RHOBTB1: variants seen among roughly 807,000 people sequenced by gnomAD.
RHOBTB1 encodes rho-related BTB domain-containing protein 1.
RHOBTB1 carries 40 observed loss-of-function variants against 71.6 expected under a neutral mutation model. That is an observed-to-expected ratio of 0.56 (90% CI 0.43 to 0.73). The LOEUF is 0.73. Among genes scored for constraint, RHOBTB1 ranks in the 30% least tolerant of loss-of-function variants. The pLI is 0.00. For synonymous variants in RHOBTB1, 319 were observed against 334.9 expected, an observed-to-expected ratio of 0.95 and a Z score of 0.52; for missense variants, 797 against 894.0, an observed-to-expected ratio of 0.89 and a Z score of 1.38.
chr10:60,932,047 T>C (rs921420920), intron 2 of RHOBTB1, among the ~76,000 whole-genome samples: 4 of 152,230 alleles, frequency 2.6e-5, no homozygotes, highest in Non-Finnish European at 4.4e-5. Context: ...CAATATAGCA[T>C]AATTCAGTTT....
chr10:60,951,516 C>T (rs2085406930), intron 2 of RHOBTB1, among the ~76,000 whole-genome samples: 1 of 152,156 alleles, frequency 6.6e-6, no homozygotes, highest in Non-Finnish European at 1.5e-5. Context: ...TAGTTAACTG[C>T]ATCACATGTG....
At chr10:60,868,088 C>T (rs1321727454), downstream of RHOBTB1, among the ~76,000 whole-genome samples, 1 of 151,928 alleles carries the variant, frequency 6.6e-6, no homozygotes, top group African/African-American at 2.4e-5. Context: ...TTTTAAATTG[C>T]CCTTTTCTTC....
intron 2 of RHOBTB1, among the ~76,000 whole-genome samples, chr10:60,982,333 G>T (rs192376998): frequency 6.6e-6 from 1 of 152,142 alleles, no homozygotes; most frequent in East Asian, 1.9e-4. Context: ...TACTCAGTAC[G>T]GATACCATTT....
chr10:60,946,822 A>T (rs1342723584), upstream of RHOBTB1, among the ~76,000 whole-genome samples: 4 of 152,166 alleles, frequency 2.6e-5, no homozygotes, highest in Admixed American at 2.6e-4. Flanking sequence ...CTTCCAAAAG[A>T]TGCTCCTTCT....
chr10:60,915,535 T>G (rs1415150390), intron 2 of RHOBTB1, among the ~76,000 whole-genome samples: 3 of 152,176 alleles, frequency 2.0e-5, no homozygotes, highest in Non-Finnish European at 4.4e-5. Context: ...TTGAACGTTA[T>G]TTCATATTTT....
chr10:60,930,312 G>T (rs2084167037), intron 2 of RHOBTB1, among the ~76,000 whole-genome samples: 1 of 152,162 alleles, frequency 6.6e-6, no homozygotes, highest in Non-Finnish European at 1.5e-5. Context: ...TCCACGGATT[G>T]TTGTGAAGAT....
intron 7 of RHOBTB1, among the ~76,000 whole-genome samples, chr10:60,883,524 G>A (rs904486238): frequency 2.0e-5 from 3 of 152,146 alleles, no homozygotes; most frequent in Admixed American, 6.5e-5. Context: ...TGAATAGCAG[G>A]TCCTCTGCTG....
At chr10:60,929,877 C>G (rs1455397186) in intron 2 of RHOBTB1, among the ~76,000 whole-genome samples, 1 of 152,110 alleles carries the variant, frequency 6.6e-6, no homozygotes, top group Non-Finnish European at 1.5e-5. Context: ...TAATAAATAT[C>G]CCACATTTTT....
rs747950824 is a variant in RHOBTB1 at position 60,886,216 on chromosome 10, A to G, written c.1471T>C (p.Leu491=). Residue 491 remains leucine, a synonymous_variant, in exon 7 of 11, where the codon TTG becomes CTG. Coordinates refer to ENST00000337910, the MANE Select transcript of RHOBTB1 (RefSeq NM_014836.5). The stretch of plus-strand genomic sequence containing the variant: ...TGGGCACTGATGGCTCCATCGTCCA[A>G]TTTAAATGTCACGTCTGCCAAGGGA... The part of the protein sequence containing the change: ...KGTFSDVTFK[L]DDGAISAHKP... 2.5e-5 allele frequency: 40 copies of G among 1,613,802 alleles called. No homozygotes were observed. Among genetic ancestry groups the G allele is most frequent in the Non-Finnish European group, 3.2e-5 (38 of 1,179,846 alleles).
chr10:60,982,704 T>G (rs1168108340), intron 2 of RHOBTB1, among the ~76,000 whole-genome samples: 2 of 152,228 alleles, frequency 1.3e-5, no homozygotes, highest in African/African-American at 4.8e-5. Context: ...TCTAAGAGGC[T>G]GATACTGTTA....
Position 60,892,011 on chromosome 10 carries a change from G to A in RHOBTB1, c.482+799C>T, listed in dbSNP as rs185175048. On this transcript the variant is annotated intron_variant, in intron 5 of 10. Transcript: ENST00000337910. ...ATTCTTCTCTCTCCTGCCGCCATAC[G>A]AAGAAGGATGTGTTTTCTTCCCCTC... is the stretch of plus-strand genomic sequence containing the variant. Among the ~76,000 whole-genome samples, 5 of 152,238 alleles carry A rather than the reference G, an allele frequency of 3.3e-5. No homozygotes were observed. In the East Asian group the frequency reaches 7.7e-4, roughly 24 times the overall value.
chr10:60,919,500 G>A (rs370893421), intron 2 of RHOBTB1, among the ~76,000 whole-genome samples: 10 of 152,272 alleles, frequency 6.6e-5, no homozygotes, highest in African/African-American at 1.7e-4. Context: ...ACCCAGAGCC[G>A]GGAAAGAGAT....
intron 8 of RHOBTB1, among the ~76,000 whole-genome samples, chr10:60,877,642 G>A (rs901268435): frequency 2.0e-5 from 3 of 152,326 alleles, no homozygotes; most frequent in African/African-American, 7.2e-5. Flanking sequence ...CATACAGCGT[G>A]TGCCTCAAGG....
At chr10:60,939,221 T>C (rs981222758) in intron 2 of RHOBTB1, among the ~76,000 whole-genome samples, 5 of 152,166 alleles carry the variant, frequency 3.3e-5, no homozygotes, top group Non-Finnish European at 5.9e-5. Context: ...AGAAAGTATC[T>C]GAAGACAGGA....
At chr10:60,988,292 T>G (rs2086738360) in intron 1 of RHOBTB1, among the ~76,000 whole-genome samples, 1 of 152,184 alleles carries the variant, frequency 6.6e-6, no homozygotes, top group African/African-American at 2.4e-5. Context: ...ACTAAGATTT[T>G]ATTTTTTAAA....
intron 4 of RHOBTB1, among the ~76,000 whole-genome samples, chr10:60,906,623 T>TA (rs1471580883): frequency 3.6e-4 from 55 of 152,264 alleles, no homozygotes; most frequent in African/African-American, 1.3e-3. Context: ...AATGAGCCTA[T>TA]TTTGCAGGCT....
At chr10:60,863,449 T>C in the RHOBTB1 span, among the ~76,000 whole-genome samples, 1 of 151,944 alleles carries the variant, frequency 6.6e-6, no homozygotes, top group Admixed American at 6.5e-5. Context: ...CATTAGTGTG[T>C]CCATCAAATA....
chr10:60,916,839 T>A (rs543485650), intron 2 of RHOBTB1, among the ~76,000 whole-genome samples: 2 of 152,332 alleles, frequency 1.3e-5, no homozygotes, highest in Admixed American at 6.5e-5. Context: ...TCCTGGACTA[T>A]CTATGTGGGT....
chr10:60,988,334 A>G (rs934345319), intron 1 of RHOBTB1, among the ~76,000 whole-genome samples: 4 of 152,174 alleles, frequency 2.6e-5, no homozygotes, highest in Non-Finnish European at 5.9e-5. Flanking sequence ...TTTATATTCA[A>G]GGGATACATG....
Sources: allele counts gnomAD v4.1 joint callset (sites outside exome capture counted in the v4.1 genomes callset), GRCh38; gene constraint gnomAD v4.1.1; transcripts MANE v1.5; gene names NCBI Gene and HGNC (gene_info 2026-07-23, HGNC 2026-07-21).